Variants in RAB28 observed in about 807,000 individuals in gnomAD.
RAB28 encodes the protein ras-related protein Rab-28.
RAB28 carries 24 observed loss-of-function variants against 31.7 expected under a neutral mutation model. The observed-to-expected ratio is 0.76, with a 90% CI of 0.55 to 1.06. The LOEUF (loss-of-function observed/expected upper bound fraction) is 1.06. Among genes scored for constraint, RAB28 ranks in the 50% least tolerant of loss-of-function variants. The pLI is 0.00. For synonymous variants in RAB28, 100 were observed against 90.4 expected (o/e 1.11, Z -0.60); for missense variants, 254 against 258.5 (o/e 0.98, Z 0.12).
intron 2 of RAB28, among the ~76,000 whole-genome samples, chr4:13,475,251 T>A (rs1716300827): frequency 6.6e-6 from 1 of 151,566 alleles, no homozygotes; most frequent in Non-Finnish European, 1.5e-5. Context: ...GATAAGCTAT[T>A]CTCCCTTCTC....
At chr4:13,377,605 CT>C (rs1397023845) in intron 5 of RAB28, among the ~76,000 whole-genome samples, 3 of 152,152 alleles carry the variant, frequency 2.0e-5, no homozygotes, top group Non-Finnish European at 4.4e-5. Flanking sequence ...ACTGGAAGGA[CT>C]TTGGCGTTTA....
At chr4:13,394,560 G>C (rs1041518980) in intron 4 of RAB28, among the ~76,000 whole-genome samples, 1 of 152,056 alleles carries the variant, frequency 6.6e-6, no homozygotes, top group African/African-American at 2.4e-5. Context: ...CTGATCTAAA[G>C]GGTAAGAATA....
chr4:13,376,380 A>ATTC (rs1246868316), intron 6 of RAB28, among the ~76,000 whole-genome samples, 165 bp downstream of exon 6: 1 of 152,124 alleles, frequency 6.6e-6, no homozygotes, highest in East Asian at 1.9e-4. Flanking sequence ...AAAAGTTAAC[A>ATTC]TTCTCCATCT....
chr4:13,389,810 C>T (rs1729545876), intron 4 of RAB28, among the ~76,000 whole-genome samples: 1 of 152,102 alleles, frequency 6.6e-6, no homozygotes, highest in Non-Finnish European at 1.5e-5. Context: ...ACAAAAACCA[C>T]ATGATTATCT....
At chr4:13,411,881 A>G (rs543624132) in intron 4 of RAB28, among the ~76,000 whole-genome samples, 1 of 152,188 alleles carries the variant, frequency 6.6e-6, no homozygotes, top group East Asian at 1.9e-4. Flanking sequence ...TAATGAAATG[A>G]ATTCAATAAC....
At chr4:13,410,461 C>T (rs530652368) in intron 4 of RAB28, among the ~76,000 whole-genome samples, 7 of 151,836 alleles carry the variant, frequency 4.6e-5, no homozygotes, top group Non-Finnish European at 7.4e-5. Flanking sequence ...TTGCAAACCC[C>T]ACAAGTCAGC....
At chr4:13,442,375 G>T (rs1714468153) in intron 4 of RAB28, among the ~76,000 whole-genome samples, 1 of 150,274 alleles carries the variant, frequency 6.7e-6, no homozygotes, top group South Asian at 2.1e-4. Context: ...TGTCTGCATA[G>T]CAAAATAAAC....
intron 4 of RAB28, among the ~76,000 whole-genome samples, chr4:13,384,691 T>C (rs768278700): frequency 1.5e-4 from 23 of 151,892 alleles, no homozygotes; most frequent in Non-Finnish European, 2.8e-4. Flanking sequence ...GGTCATCAAA[T>C]AGGATAAAAG....
At chr4:13,384,361 T>C (rs540801744) in intron 4 of RAB28, among the ~76,000 whole-genome samples, 1 of 152,256 alleles carries the variant, frequency 6.6e-6, no homozygotes, top group South Asian at 2.1e-4. Flanking sequence ...TTGATGAGTG[T>C]GTACCCCACC....
intron 6 of RAB28, among the ~76,000 whole-genome samples, chr4:13,373,687 TAGGTTAGAAATAA>T (rs1392156106): frequency 1.3e-5 from 2 of 152,152 alleles, no homozygotes; most frequent in African/African-American, 2.4e-5. Context: ...AGGAGCAATC[TAGGTTAGAAATAA>T]ACTAGCAGAA....
chr4:13,389,453 T>C (rs1417884543), intron 4 of RAB28, among the ~76,000 whole-genome samples: 1 of 152,116 alleles, frequency 6.6e-6, no homozygotes, highest in Non-Finnish European at 1.5e-5. Flanking sequence ...ATTTTGTAGT[T>C]TTTTAACCAC....
At chr4:13,391,565 A>C (rs1036814762) in intron 4 of RAB28, among the ~76,000 whole-genome samples, 3 of 152,204 alleles carry the variant, frequency 2.0e-5, no homozygotes, top group Non-Finnish European at 4.4e-5. Flanking sequence ...CTATATACCC[A>C]AAGGATTATA....
rs775462863 is a variant in RAB28 at position 13,368,612 on chromosome 4, T to C, written c.612A>G (p.Glu204=). The change falls in exon 7 of 7, where the codon GAA becomes GAG. Residue 204 remains glutamate, a synonymous_variant. Coordinates refer to ENST00000330852, the MANE Select transcript of RAB28 (RefSeq NM_001017979.3). ...VKADIVNYNQ[E]PMSRTVNPPR... ...GAGGGTTAACAGTCCTTGACATAGG[T>C]TCCTGGTTGTAGTTTACAATATCTG... is the stretch of plus-strand genomic sequence containing the variant. 3.1e-6 allele frequency: 5 copies of C among 1,612,278 alleles called. No individual in the cohort carries two copies. Among genetic ancestry groups the C allele is most frequent in the East Asian group, 2.2e-5 (1 of 44,728 alleles).
chr4:13,432,401 G>A (rs1713858451), intron 4 of RAB28, among the ~76,000 whole-genome samples: 1 of 152,204 alleles, frequency 6.6e-6, no homozygotes, highest in African/African-American at 2.4e-5. Context: ...CCCTAATCTT[G>A]CAAGAGAGGT....
chr4:13,445,391 C>A lies in RAB28; in HGVS notation c.391+15308G>T, dbSNP rs540662429. On this transcript the variant is annotated intron_variant, in intron 4 of 6. Coordinates refer to ENST00000330852, the MANE Select transcript of RAB28 (RefSeq NM_001017979.3). ...TCAGTTCATCCGTCTCAGCTTTAGC[C>A]CCATTCTGTGCCCTGGAGAAGTGTT... 1.1e-4 allele frequency among the ~76,000 whole-genome samples: 16 copies of A among 152,066 alleles called. No individual in the cohort carries two copies. In the East Asian group the frequency reaches 3.1e-3, roughly 30 times the overall value.
chr4:13,394,827 G>A (rs1402610609), intron 4 of RAB28, among the ~76,000 whole-genome samples: 1 of 152,082 alleles, frequency 6.6e-6, no homozygotes, highest in Non-Finnish European at 1.5e-5. Flanking sequence ...GAGAAACGAT[G>A]TCTGAGGACA....
chr4:13,371,366 C>T (rs1399471778), intron 6 of RAB28: 1 of 985,122 alleles, frequency 1.0e-6, no homozygotes, highest in Non-Finnish European at 1.2e-6. Flanking sequence ...TCATGCCAAA[C>T]TATGGGTTAC....
intron 4 of RAB28, among the ~76,000 whole-genome samples, chr4:13,408,479 T>G (rs558256944): frequency 2.6e-5 from 4 of 152,134 alleles, no homozygotes; most frequent in Non-Finnish European, 4.4e-5. Context: ...TTTTCTTTTT[T>G]TGTGTGTGTC....
intron 4 of RAB28, among the ~76,000 whole-genome samples, chr4:13,438,500 A>C (rs1470018252): frequency 6.6e-6 from 1 of 152,038 alleles, no homozygotes; most frequent in Non-Finnish European, 1.5e-5. Flanking sequence ...TATTTTGAAA[A>C]CTTCTTATAA....
Sources: gnomAD v4.1 joint callset for allele counts (sites outside exome capture counted in the v4.1 genomes callset) on GRCh38, gnomAD v4.1.1 for gene constraint, MANE v1.5 for transcripts, NCBI Gene and HGNC (gene_info 2026-07-23, HGNC 2026-07-21) for gene names.